The following ROBO1 variants were observed in gnomAD, a reference collection of about 807,000 sequenced individuals.
The protein encoded by ROBO1 is roundabout homolog 1.
A neutral mutation model predicts 195.9 loss-of-function variants in ROBO1; 149 were observed. That is an observed-to-expected ratio of 0.76 (90% CI 0.67 to 0.87). ROBO1 has a LOEUF of 0.87. Ranked by LOEUF, ROBO1 falls within the 40% of genes least tolerant of loss-of-function variation. The pLI, the probability that ROBO1 is intolerant of heterozygous loss-of-function variation, is 0.00. For synonymous variants in ROBO1, 816 were observed against 733.2 expected, an observed-to-expected ratio of 1.11 and a Z score of -1.82; for missense variants, 1,933 against 2,068.3, an observed-to-expected ratio of 0.93 and a Z score of 1.27.
At chr3:79,738,771 G>A (rs968354056) in intron 1 of ROBO1, among the ~76,000 whole-genome samples, 1 of 152,074 alleles carries the variant, frequency 6.6e-6, no homozygotes, top group Non-Finnish European at 1.5e-5. Flanking sequence ...TAGAATTTTT[G>A]TTCATATATT....
chr3:79,637,117 T>C (rs1945518312), intron 1 of ROBO1, among the ~76,000 whole-genome samples: 1 of 152,230 alleles, frequency 6.6e-6, no homozygotes, highest in East Asian at 1.9e-4. Flanking sequence ...CTATGGTAAT[T>C]GGGCAGCCCA....
At chr3:79,361,324 C>T (rs1265194410) in intron 2 of ROBO1, among the ~76,000 whole-genome samples, 1 of 151,544 alleles carries the variant, frequency 6.6e-6, no homozygotes, top group Non-Finnish European at 1.5e-5. Context: ...CAGATTGAAT[C>T]AAAAAGTAAG....
intron 2 of ROBO1, among the ~76,000 whole-genome samples, chr3:79,533,898 C>G (rs1286833123): frequency 6.6e-6 from 1 of 151,916 alleles, no homozygotes; most frequent in African/African-American, 2.4e-5. Context: ...GAAGATATTT[C>G]CTTACAGGGC....
At chr3:79,261,972 T>C (rs889896479) in intron 2 of ROBO1, among the ~76,000 whole-genome samples, 2 of 152,066 alleles carry the variant, frequency 1.3e-5, no homozygotes, top group African/African-American at 2.4e-5. Flanking sequence ...GTAAAATTTA[T>C]ACTTTATCTG....
At chr3:79,453,588 G>T (rs1469772274) in intron 2 of ROBO1, among the ~76,000 whole-genome samples, 1 of 152,020 alleles carries the variant, frequency 6.6e-6, no homozygotes. Flanking sequence ...AGAGAGCCAG[G>T]AACTGCTAAA....
chr3:78,849,800 T>C (rs549129453), intron 4 of ROBO1, among the ~76,000 whole-genome samples: 1 of 149,712 alleles, frequency 6.7e-6, no homozygotes, highest in South Asian at 2.1e-4. Flanking sequence ...GCCTTTCATG[T>C]TTTTGTTTAC....
intron 2 of ROBO1, among the ~76,000 whole-genome samples, chr3:79,450,418 T>A (rs2039404189): frequency 6.6e-6 from 1 of 151,840 alleles, no homozygotes; most frequent in Admixed American, 6.6e-5. Flanking sequence ...ATAATAATAC[T>A]GAGAGGTGAA....
chr3:79,180,304 A>G (rs141433077), intron 2 of ROBO1, among the ~76,000 whole-genome samples: 2 of 152,270 alleles, frequency 1.3e-5, no homozygotes, highest in African/African-American at 4.8e-5. Flanking sequence ...AGTTTTGAAG[A>G]CCTTTATTTC....
chr3:79,299,443 T>C (rs1356621274), intron 2 of ROBO1, among the ~76,000 whole-genome samples: 1 of 152,216 alleles, frequency 6.6e-6, no homozygotes, highest in East Asian at 1.9e-4. Flanking sequence ...CTGACAAATG[T>C]TGAAGGTGGC....
intron 1 of ROBO1, among the ~76,000 whole-genome samples, chr3:79,765,194 C>A (rs188145300): frequency 1.3e-5 from 2 of 152,282 alleles, no homozygotes; most frequent in Admixed American, 1.3e-4. Flanking sequence ...TTGGAAGAGG[C>A]ATGGAGCAGG....
intron 2 of ROBO1, among the ~76,000 whole-genome samples, chr3:79,412,874 ATTTTTTTTTTTTTTT>A (rs1167482550): frequency 1.1e-3 from 43 of 38,350 alleles, no homozygotes; most frequent in Admixed American, 1.6e-3. Flanking sequence ...TCATGAGCTG[ATTTTTTTTTTTTTTT>A]TTTTTTTTTT....
chr3:78,836,991 T>A (rs769805367), intron 4 of ROBO1, among the ~76,000 whole-genome samples: 4 of 152,292 alleles, frequency 2.6e-5, no homozygotes, highest in Non-Finnish European at 5.9e-5. Context: ...CATCTGCTCA[T>A]CACATCTTCA....
intron 1 of ROBO1, among the ~76,000 whole-genome samples, chr3:79,684,704 C>T (rs977011275): frequency 2.6e-5 from 4 of 151,962 alleles, no homozygotes; most frequent in Non-Finnish European, 4.4e-5. Flanking sequence ...GAGATGGAGT[C>T]TTGCTCTGTC....
chr3:78,745,306 C>CAA (rs11360584), intron 5 of ROBO1, among the ~76,000 whole-genome samples: 846 of 71,022 alleles, frequency 0.012, 8 homozygotes, highest in Middle Eastern at 0.036. Flanking sequence ...GACTCCATTT[C>CAA]AAAAAAAAAA....
At chr3:78,898,389 T>G (rs981231649) in intron 4 of ROBO1, among the ~76,000 whole-genome samples, 4 of 136,110 alleles carry the variant, frequency 2.9e-5, no homozygotes, top group African/African-American at 1.1e-4. Flanking sequence ...GGTTTTTTTT[T>G]TTTTTTTTTT....
At chr3:79,008,635 C>T (rs2077686034) in intron 3 of ROBO1, among the ~76,000 whole-genome samples, 1 of 151,418 alleles carries the variant, frequency 6.6e-6, no homozygotes, top group African/African-American at 2.4e-5. Context: ...ACTTTGTCAC[C>T]CTGACTGGAG....
intron 1 of ROBO1, among the ~76,000 whole-genome samples, chr3:79,627,030 T>G (rs771868491): frequency 7.2e-5 from 11 of 152,162 alleles, no homozygotes; most frequent in Non-Finnish European, 1.2e-4. Flanking sequence ...CATTCCATCC[T>G]CATGGATAGG....
At chr3:79,386,399 A>G (rs2106666328) in intron 2 of ROBO1, among the ~76,000 whole-genome samples, 1 of 152,274 alleles carries the variant, frequency 6.6e-6, no homozygotes, top group African/African-American at 2.4e-5. Flanking sequence ...TGTTCTATTC[A>G]TAAACGGGAG....
intron 2 of ROBO1, among the ~76,000 whole-genome samples, chr3:79,428,578 C>T (rs1381645747): frequency 6.6e-6 from 1 of 152,124 alleles, no homozygotes; most frequent in Non-Finnish European, 1.5e-5. Flanking sequence ...GTACCAGTTT[C>T]TTATGAAGTT....
Sources: allele counts gnomAD v4.1 joint callset (sites outside exome capture counted in the v4.1 genomes callset), GRCh38; gene constraint gnomAD v4.1.1; transcripts MANE v1.5; gene names NCBI Gene and HGNC (gene_info 2026-07-23, HGNC 2026-07-21).